The following ELF1 variants were observed in gnomAD, a reference collection of about 807,000 sequenced individuals.
ELF1 encodes the protein ETS-related transcription factor Elf-1.
A neutral mutation model predicts 59.9 loss-of-function variants in ELF1; 24 were observed. The observed-to-expected ratio is 0.40, with a 90% CI of 0.29 to 0.56. The LOEUF is 0.56. Ranked by LOEUF, ELF1 falls within the 20% of genes least tolerant of loss-of-function variation. The pLI is 0.44. For synonymous variants in ELF1, 248 were observed against 266.2 expected (o/e 0.93, Z 0.67); for missense variants, 627 against 742.2 (o/e 0.84, Z 1.80).
At chr13:41,032,806 T>C (rs1566195020) in intron 1 of ELF1, among the ~76,000 whole-genome samples, 1 of 150,446 alleles carries the variant, frequency 6.6e-6, no homozygotes, top group Non-Finnish European at 1.5e-5. Context: ...GCTACAGTTG[T>C]ACCACTGCAC....
intron 1 of ELF1, among the ~76,000 whole-genome samples, chr13:40,998,574 A>T (rs951832908): frequency 3.3e-5 from 5 of 152,174 alleles, no homozygotes; most frequent in Non-Finnish European, 5.9e-5. Context: ...GGTATTTATA[A>T]ATTATACATT....
chr13:41,054,407 C>A (rs577123368), intron 1 of ELF1, among the ~76,000 whole-genome samples: 19 of 152,270 alleles, frequency 1.2e-4, no homozygotes, highest in African/African-American at 4.1e-4. Flanking sequence ...ATTTTGTCCA[C>A]AGGGTGGCAG....
intron 1 of ELF1, chr13:40,993,237 C>T: frequency 6.3e-7 from 1 of 1,577,498 alleles, no homozygotes; most frequent in Non-Finnish European, 8.7e-7. Context: ...AACAACAGCA[C>T]CAACAAAAGC....
At chr13:41,044,114 T>C (rs1876740406) in intron 1 of ELF1, among the ~76,000 whole-genome samples, 1 of 152,216 alleles carries the variant, frequency 6.6e-6, no homozygotes, top group Admixed American at 6.5e-5. Context: ...TATTGGTGTA[T>C]AAGAATGCTT....
At chr13:40,955,484 G>T (rs1871246016) in intron 3 of ELF1, among the ~76,000 whole-genome samples, 1 of 115,600 alleles carries the variant, frequency 8.7e-6, no homozygotes, top group Non-Finnish European at 1.9e-5. Flanking sequence ...CCTCTGCCCG[G>T]CCGCCCCTAC....
intron 1 of ELF1, among the ~76,000 whole-genome samples, chr13:41,027,233 A>G (rs780449813): frequency 2.6e-5 from 4 of 152,246 alleles, no homozygotes; most frequent in Non-Finnish European, 5.9e-5. Flanking sequence ...GGGGCAGAAC[A>G]GATCTCTCCT....
chr13:40,986,822 A>G (rs1447046405), intron 1 of ELF1, among the ~76,000 whole-genome samples: 1 of 152,110 alleles, frequency 6.6e-6, no homozygotes, highest in Non-Finnish European at 1.5e-5. Flanking sequence ...AAAAAATATG[A>G]TAGTCAAAAT....
At chr13:40,952,367 G>C (rs765394611) in intron 3 of ELF1, among the ~76,000 whole-genome samples, 1 of 101,468 alleles carries the variant, frequency 9.9e-6, no homozygotes, top group East Asian at 2.0e-4. Context: ...TTTTGGTTTT[G>C]CTTTTTTTTT....
chr13:40,934,416 CTTTTTTTTTTT>C (rs10692930), intron 8 of ELF1, among the ~76,000 whole-genome samples: 9 of 102,480 alleles, frequency 8.8e-5, no homozygotes, highest in South Asian at 3.4e-4. Context: ...TTCATTCCTG[CTTTTTTTTTTT>C]TTTTTTTTTT....
chr13:41,054,317 C>T lies in ELF1; in HGVS notation c.-229+6521G>A, dbSNP rs185766730. Among the ~76,000 whole-genome samples, 998 of 152,322 alleles carry T rather than the reference C, an allele frequency of 6.6e-3. 17 individuals carry two copies. Among genetic ancestry groups the T allele is most frequent in the African/African-American group, 0.022 (931 of 41,564 alleles). ...TAATGAGCATCACTGCATGCACCAA[C>T]GTGGAAGAACCAAAGCCAGTTCTAA... On this transcript the variant is annotated intron_variant, in intron 1 of 1. Transcript: ENST00000405737.
chr13:41,017,343 G>T (rs1566190747), intron 1 of ELF1, among the ~76,000 whole-genome samples: 1 of 152,012 alleles, frequency 6.6e-6, no homozygotes, highest in Non-Finnish European at 1.5e-5. Context: ...CCTGCCATTA[G>T]GTACTGCATG....
chr13:40,962,686 A>T (rs1871915835), intron 2 of ELF1, among the ~76,000 whole-genome samples: 1 of 151,812 alleles, frequency 6.6e-6, no homozygotes. Context: ...TCTCAAAAAA[A>T]AAAAAAAAAA....
intron 1 of ELF1, among the ~76,000 whole-genome samples, chr13:41,035,025 C>T (rs1803612976): frequency 6.6e-6 from 1 of 152,344 alleles, no homozygotes; most frequent in South Asian, 2.1e-4. Context: ...CCTTTCTCTC[C>T]TCACTGTGTC....
intron 1 of ELF1, among the ~76,000 whole-genome samples, chr13:41,060,178 G>T (rs1370522905): frequency 6.6e-6 from 1 of 152,166 alleles, no homozygotes; most frequent in Non-Finnish European, 1.5e-5. Context: ...GCGGCTGCGC[G>T]GCCGGGAAAG....
At chr13:40,957,828 G>A (rs1370418239) in intron 3 of ELF1, among the ~76,000 whole-genome samples, 1 of 152,184 alleles carries the variant, frequency 6.6e-6, no homozygotes, top group Non-Finnish European at 1.5e-5. Flanking sequence ...CCCACCAGAT[G>A]GATACAGTCA....
chr13:41,016,908 C>G (rs1323584628), intron 1 of ELF1, among the ~76,000 whole-genome samples: 1 of 56,942 alleles, frequency 1.8e-5, no homozygotes, highest in Non-Finnish European at 3.1e-5. Flanking sequence ...GAGTGAAACT[C>G]CGTCTCAAAA....
intron 1 of ELF1, among the ~76,000 whole-genome samples, chr13:41,054,033 T>C (rs1187840316): frequency 6.6e-6 from 1 of 152,082 alleles, no homozygotes; most frequent in Non-Finnish European, 1.5e-5. Context: ...TCAAGGATAA[T>C]ACCATATGTC....
chr13:41,007,481 G>A (rs1302713274), intron 1 of ELF1, among the ~76,000 whole-genome samples: 3 of 152,002 alleles, frequency 2.0e-5, no homozygotes, highest in Non-Finnish European at 4.4e-5. Flanking sequence ...GTAAAAATAA[G>A]GTTGCTATAC....
chr13:40,947,303 G>A (rs571562807), intron 5 of ELF1, among the ~76,000 whole-genome samples: 1 of 152,318 alleles, frequency 6.6e-6, no homozygotes, highest in South Asian at 2.1e-4. Context: ...CAGCACTTGG[G>A]AGGTCGAGGC....
Sources: allele counts gnomAD v4.1 joint callset (sites outside exome capture counted in the v4.1 genomes callset), GRCh38; gene constraint gnomAD v4.1.1; transcripts MANE v1.5; gene names NCBI Gene and HGNC (gene_info 2026-07-23, HGNC 2026-07-21).